MYO18B: variants seen among roughly 807,000 people sequenced by gnomAD.
MYO18B encodes the protein unconventional myosin-XVIIIb.
MYO18B carries 204 observed loss-of-function variants against 273.0 expected under a neutral mutation model. The ratio of observed to expected loss-of-function variants is 0.75; its 90% CI spans 0.67 to 0.84. MYO18B has a LOEUF of 0.84. Ranked by LOEUF, MYO18B falls within the 40% of genes least tolerant of loss-of-function variation. MYO18B has a pLI of 0.00. For missense variants in MYO18B, 3,212 were observed against 3,287.6 expected (o/e 0.98, Z 0.56); for synonymous variants, 1,330 against 1,305.7 (o/e 1.02, Z -0.40).
intron 39 of MYO18B, chr22:25,964,679 A>G (rs2092957954): frequency 6.6e-6 from 1 of 152,212 alleles, no homozygotes; most frequent in South Asian, 2.1e-4. Flanking sequence ...GTCTCCAGAC[A>G]TTACCAAATG....
At chr22:26,045,067 G>T in the MYO18B span, among the ~76,000 whole-genome samples, 8 of 150,612 alleles carry the variant, frequency 5.3e-5, no homozygotes, top group Non-Finnish European at 8.8e-5. Flanking sequence ...TTGTTTTTTG[G>T]TTTTTGGTTT....
Position 25,911,059 on chromosome 22 carries a change from G to A in MYO18B, c.5364+9G>A. 1 of 1,587,522 alleles carries A rather than the reference G, an allele frequency of 6.3e-7. No homozygotes were observed. Among genetic ancestry groups the A allele is most frequent in the Non-Finnish European group, 8.6e-7 (1 of 1,164,036 alleles). On this transcript the variant is annotated intron_variant, in intron 33 of 43. Coordinates refer to ENST00000335473, the MANE Select transcript of MYO18B (RefSeq NM_032608.7). ...GAACCCTCTGTGACCAGGTAAGGGG[G>A]AGACATTGGCAGACATTCAGAGGAG...
At chr22:25,807,154 C>T (rs56070130) in intron 12 of MYO18B, among the ~76,000 whole-genome samples, 35,466 of 152,086 alleles carry the variant, frequency 0.23, 4,364 homozygotes, top group Middle Eastern at 0.27. Context: ...GGCTCCTCAC[C>T]TAAAGTCATA....
At chr22:25,870,098 A>G (rs1295948718) in intron 22 of MYO18B, among the ~76,000 whole-genome samples, 1 of 152,178 alleles carries the variant, frequency 6.6e-6, no homozygotes, top group Non-Finnish European at 1.5e-5. Context: ...TCTTTTCAAG[A>G]TCCTATCTGT....
intron 28 of MYO18B, chr22:25,898,088 G>A (rs1456238912): frequency 9.4e-6 from 5 of 530,790 alleles, no homozygotes; most frequent in Admixed American, 3.6e-5. Context: ...TTAAGAGATT[G>A]ATGGAATTAT....
chr22:26,007,593 C>T (rs561631563), intron 42 of MYO18B, among the ~76,000 whole-genome samples: 5 of 152,302 alleles, frequency 3.3e-5, no homozygotes, highest in East Asian at 1.9e-4. Context: ...GATCCTACGA[C>T]ATTAAGCCCT....
chr22:25,824,450 G>A (rs1051302449), intron 13 of MYO18B, among the ~76,000 whole-genome samples: 1 of 152,164 alleles, frequency 6.6e-6, no homozygotes, highest in South Asian at 2.1e-4. Context: ...CTGCCGTGGG[G>A]GAAAAACAGG....
chr22:25,997,506 C>A (rs1383252672), intron 40 of MYO18B, among the ~76,000 whole-genome samples: 2 of 152,006 alleles, frequency 1.3e-5, no homozygotes, highest in South Asian at 4.2e-4. Context: ...TCTCAGCAGG[C>A]CTTGATCCTA....
At chr22:26,023,471 C>T (rs1474035545) in intron 42 of MYO18B, among the ~76,000 whole-genome samples, 1 of 89,342 alleles carries the variant, frequency 1.1e-5, no homozygotes. Flanking sequence ...GCTCATCTTC[C>T]TCCTCCCTCC....
chr22:25,839,616 A>G (rs1302197556), intron 17 of MYO18B, among the ~76,000 whole-genome samples: 1 of 152,134 alleles, frequency 6.6e-6, no homozygotes, highest in Non-Finnish European at 1.5e-5. Flanking sequence ...GGCGCCGAGC[A>G]CAGGGCTAGC....
intron 12 of MYO18B, among the ~76,000 whole-genome samples, chr22:25,798,550 GT>G (rs2088033428): frequency 6.6e-6 from 1 of 151,894 alleles, no homozygotes; most frequent in Non-Finnish European, 1.5e-5. Context: ...AAGGTGCTGT[GT>G]TTTTTTCTTT....
intron 33 of MYO18B, among the ~76,000 whole-genome samples, chr22:25,918,761 C>G (rs1254301154): frequency 6.6e-6 from 1 of 152,080 alleles, no homozygotes; most frequent in Non-Finnish European, 1.5e-5. Flanking sequence ...AGGATATATG[C>G]AAAACAAAAA....
rs190745981 is a variant in MYO18B, at chr22:25,882,623, G to A, written c.4314+4575G>A. 6.3e-3 allele frequency among the ~76,000 whole-genome samples: 966 copies of A among 152,320 alleles called. 5 individuals are homozygous for A. The highest frequency in any genetic ancestry group is 0.02 in the Middle Eastern group (6 of 294). ...ATCAAAGCAGTGCTTTATCCAGGAA[G>A]CACGTTTGATGACTGAGTATTATGA... On this transcript the variant is annotated intron_variant, in intron 25 of 43. Coordinates refer to ENST00000335473, the MANE Select transcript of MYO18B (RefSeq NM_032608.7).
downstream of MYO18B, among the ~76,000 whole-genome samples, chr22:26,032,960 TTTA>T (rs755624500): frequency 2.6e-4 from 39 of 152,202 alleles, no homozygotes; most frequent in Non-Finnish European, 4.7e-4. Context: ...AATCTATTAA[TTTA>T]TTATTCATAC....
At chr22:25,982,221 A>G (rs1025133025) in intron 39 of MYO18B, among the ~76,000 whole-genome samples, 3 of 152,208 alleles carry the variant, frequency 2.0e-5, no homozygotes, top group Non-Finnish European at 4.4e-5. Flanking sequence ...GCAGGGACAC[A>G]GATCCAAACC....
At chr22:25,956,116 C>T (rs2146652953) in intron 39 of MYO18B, among the ~76,000 whole-genome samples, 1 of 152,208 alleles carries the variant, frequency 6.6e-6, no homozygotes, top group East Asian at 1.9e-4. Context: ...CCCAGGGTCA[C>T]ACAGGAGTAA....
At chr22:25,789,927 CG>C (rs1363517213) in intron 11 of MYO18B, among the ~76,000 whole-genome samples, 2 of 152,204 alleles carry the variant, frequency 1.3e-5, no homozygotes, top group Non-Finnish European at 1.5e-5. Flanking sequence ...CCAAGGCAGG[CG>C]GATCACCTGA....
Position 25,902,647 on chromosome 22 carries a change from T to C in MYO18B, c.4858T>C (p.Ser1620Pro). 6.2e-7 allele frequency: 1 copy of C among 1,605,428 alleles called. No homozygotes were observed. The highest frequency in any genetic ancestry group is 8.5e-7 in the Non-Finnish European group (1 of 1,175,974). The change falls in exon 30 of 44, where the codon TCA becomes CCA. Residue 1620 changes from serine (S) to proline (P), a missense_variant. By Grantham distance (74) the Ser-to-Pro change is moderately conservative. Coordinates refer to ENST00000335473, the MANE Select transcript of MYO18B (RefSeq NM_032608.7). Reference sequence around the variant, plus strand: ...GCAGCTGGCCCAGGCCCTAGGTGAGTCAGTGTTTGAGAAGGGTCTCCGTGA... The same window carrying C: ...GCAGCTGGCCCAGGCCCTAGGTGAGCCAGTGTTTGAGAAGGGTCTCCGTGA... ...DLQLAQALGE[S>P]VFEKGLREKV... is the part of the protein sequence containing the mutation.
At chr22:26,049,785 T>C in the MYO18B span, among the ~76,000 whole-genome samples, 69 of 152,358 alleles carry the variant, frequency 4.5e-4, no homozygotes, top group East Asian at 0.013. Context: ...AGGCAAATCA[T>C]GTTACCTCTC....
Sources: gnomAD v4.1 joint callset for allele counts (sites outside exome capture counted in the v4.1 genomes callset) on GRCh38, gnomAD v4.1.1 for gene constraint, MANE v1.5 for transcripts, NCBI Gene and HGNC (gene_info 2026-07-23, HGNC 2026-07-21) for gene names.